The following SLC9B1 variants were observed in gnomAD, a reference collection of about 807,000 sequenced individuals.
The protein encoded by SLC9B1 is solute carrier family 9 member B1, also known as sodium/hydrogen exchanger 9B1.
SLC9B1 carries 32 observed loss-of-function variants against 51.7 expected under a neutral mutation model. That is an observed-to-expected ratio of 0.62 (90% CI 0.47 to 0.83). The LOEUF (loss-of-function observed/expected upper bound fraction) is 0.83. Ranked by LOEUF, SLC9B1 falls within the 40% of genes least tolerant of loss-of-function variation. The pLI is 0.00. For synonymous variants in SLC9B1, 145 were observed against 212.7 expected (o/e 0.68, Z 2.77); for missense variants, 406 against 613.2 (o/e 0.66, Z 3.57).
chr4:102,939,997 T>C (rs1244082563), intron 6 of SLC9B1, among the ~76,000 whole-genome samples: 1 of 152,198 alleles, frequency 6.6e-6, no homozygotes, highest in African/African-American at 2.4e-5. Flanking sequence ...ATGGATGTCC[T>C]AGCCAGTGCA....
intron 1 of SLC9B1, among the ~76,000 whole-genome samples, chr4:103,017,735 C>CA (rs1741458004): frequency 6.6e-6 from 1 of 152,178 alleles, no homozygotes; most frequent in African/African-American, 2.4e-5. Flanking sequence ...TACTATTATC[C>CA]AAAATTCCTT....
At chr4:102,905,328 C>T (rs1437361326) in intron 11 of SLC9B1, among the ~76,000 whole-genome samples, 186 bp downstream of exon 11, 1 of 152,088 alleles carries the variant, frequency 6.6e-6, no homozygotes, top group Non-Finnish European at 1.5e-5. Context: ...TCAAGCGATT[C>T]TCCCATCTCA....
chr4:102,917,353 T>G (rs1414672864), intron 7 of SLC9B1, among the ~76,000 whole-genome samples: 1 of 152,096 alleles, frequency 6.6e-6, no homozygotes, highest in Non-Finnish European at 1.5e-5. Context: ...GACTTTGCCT[T>G]TGTAATTATG....
chr4:102,946,211 A>G (rs1457841941), intron 5 of SLC9B1, among the ~76,000 whole-genome samples: 2 of 152,200 alleles, frequency 1.3e-5, no homozygotes, highest in Non-Finnish European at 2.9e-5. Context: ...AACACAGTCA[A>G]TTCTCTTCAT....
intron 4 of SLC9B1, among the ~76,000 whole-genome samples, chr4:102,948,243 C>A (rs1471901237): frequency 6.7e-6 from 1 of 149,840 alleles, no homozygotes; most frequent in Non-Finnish European, 1.5e-5. Flanking sequence ...GAAACTTAAT[C>A]CAAAAAAATC....
intron 1 of SLC9B1, among the ~76,000 whole-genome samples, chr4:103,003,635 C>T (rs1241996742): frequency 6.6e-6 from 1 of 152,188 alleles, no homozygotes; most frequent in African/African-American, 2.4e-5. Flanking sequence ...CATGTGTGAG[C>T]ATGCAAAGAT....
chr4:102,945,919 G>C (rs903269425), intron 5 of SLC9B1, among the ~76,000 whole-genome samples: 3 of 152,026 alleles, frequency 2.0e-5, no homozygotes, highest in African/African-American at 7.2e-5. Flanking sequence ...TGGGATTTAT[G>C]ATCCCTAGAA....
chr4:102,941,741 C>G (rs1323311161), intron 6 of SLC9B1, among the ~76,000 whole-genome samples: 1 of 149,692 alleles, frequency 6.7e-6, no homozygotes, highest in Non-Finnish European at 1.5e-5. Context: ...CCCCCGAGAA[C>G]TGGAACAAGA....
At chr4:102,909,960 C>T (rs1735257638) in intron 9 of SLC9B1, among the ~76,000 whole-genome samples, 1 of 151,890 alleles carries the variant, frequency 6.6e-6, no homozygotes, top group African/African-American at 2.4e-5. Flanking sequence ...GTGCCCACCA[C>T]CACACCACCA....
downstream of SLC9B1, chr4:102,898,195 C>A (rs866966429): frequency 7.7e-6 from 4 of 519,478 alleles, no homozygotes; most frequent in Middle Eastern, 1.1e-3. Flanking sequence ...GCTAAAGAGG[C>A]TGCCCAGAAA....
chr4:102,984,605 C>T (rs1739521829), intron 3 of SLC9B1, among the ~76,000 whole-genome samples: 1 of 152,082 alleles, frequency 6.6e-6, no homozygotes, highest in African/African-American at 2.4e-5. Context: ...TTTTATGGCT[C>T]AGGATATAGT....
At position 103,007,088 on chromosome 4, in the gene SLC9B1, C is replaced by A. The variant is rs569558329; in HGVS notation, c.-2+12511G>T. 3.9e-5 allele frequency among the ~76,000 whole-genome samples: 6 copies of A among 152,260 alleles called. No individual in the cohort carries two copies. The South Asian group carries it at 1.2e-3, about 32-fold the overall frequency. The stretch of plus-strand genomic sequence containing the variant: ...GCAAGTCGAGGATGCCCTCTTTCAA[C>A]ACTCCTATTCAACATAATACTGGAA... On this transcript the variant is annotated intron_variant, in intron 1 of 11. Coordinates refer to ENST00000296422, the MANE Select transcript of SLC9B1 (RefSeq NM_139173.4).
chr4:102,911,363 T>A, intron 8 of SLC9B1, 68 bp downstream of exon 8: 1 of 1,091,828 alleles, frequency 9.2e-7, no homozygotes, highest in Non-Finnish European at 1.3e-6. Flanking sequence ...TCATCGACCT[T>A]ACCAAAGTTT....
intron 7 of SLC9B1, among the ~76,000 whole-genome samples, chr4:102,923,113 A>C (rs1735968329): frequency 6.6e-6 from 1 of 152,170 alleles, no homozygotes; most frequent in South Asian, 2.1e-4. Flanking sequence ...AACAACAAAA[A>C]AGGGAATTTT....
At chr4:103,013,519 T>G (rs950499894) in intron 1 of SLC9B1, among the ~76,000 whole-genome samples, 2 of 152,230 alleles carry the variant, frequency 1.3e-5, no homozygotes, top group African/African-American at 2.4e-5. Context: ...CAACATCTAT[T>G]CTACTATTAT....
chr4:102,943,224 TG>T (rs1560942303), intron 6 of SLC9B1, among the ~76,000 whole-genome samples: 1 of 151,634 alleles, frequency 6.6e-6, no homozygotes, highest in East Asian at 1.9e-4. Flanking sequence ...TTCACACTGC[TG>T]GGGGGAATGT....
intron 11 of SLC9B1, among the ~76,000 whole-genome samples, chr4:102,886,766 A>C (rs1578317000): frequency 7.8e-6 from 1 of 127,448 alleles, no homozygotes; most frequent in Non-Finnish European, 1.7e-5. Flanking sequence ...AGGCGTATGC[A>C]CCACGCCCAG....
chr4:103,017,779 T>C (rs1275597557), intron 1 of SLC9B1, among the ~76,000 whole-genome samples: 1 of 152,244 alleles, frequency 6.6e-6, no homozygotes, highest in Non-Finnish European at 1.5e-5. Context: ...TATCTTACAC[T>C]CACTAGAATT....
chr4:102,979,466 A>G (rs1739240891), intron 3 of SLC9B1, among the ~76,000 whole-genome samples: 1 of 152,144 alleles, frequency 6.6e-6, no homozygotes, highest in Admixed American at 6.5e-5. Flanking sequence ...TGCTCATGAT[A>G]GTGTTTTTGA....
Sources: allele counts gnomAD v4.1 joint callset (sites outside exome capture counted in the v4.1 genomes callset), GRCh38; gene constraint gnomAD v4.1.1; transcripts MANE v1.5; gene names NCBI Gene and HGNC (gene_info 2026-07-23, HGNC 2026-07-21).